Variants in NWD2 observed in about 807,000 individuals in gnomAD.
The protein encoded by NWD2 is NACHT and WD repeat domain-containing protein 2.
NWD2 carries 37 observed loss-of-function variants against 132.7 expected under a neutral mutation model. That is an observed-to-expected ratio of 0.28 (90% confidence interval 0.21 to 0.37). The LOEUF is 0.37. NWD2 is among the 10% of genes least tolerant of loss of function. The probability of loss-of-function intolerance (pLI) is 1.00; values close to 1 mark genes in which losing one functional copy is unlikely to be tolerated. For missense variants in NWD2, 1,592 were observed against 2,122.4 expected (o/e 0.75, Z 4.91); for synonymous variants, 705 against 803.0 (o/e 0.88, Z 2.06).
intron 1 of NWD2, among the ~76,000 whole-genome samples, chr4:37,315,196 C>T (rs1718933534): frequency 6.6e-6 from 1 of 152,026 alleles, no homozygotes; most frequent in Admixed American, 6.5e-5. Context: ...TCTAGTCTAG[C>T]ATATGACCTA....
chr4:37,279,757 G>A (rs1718091640), intron 1 of NWD2, among the ~76,000 whole-genome samples: 1 of 152,056 alleles, frequency 6.6e-6, no homozygotes, highest in Non-Finnish European at 1.5e-5. Flanking sequence ...CAAATGAAAT[G>A]CCTCTAAAAA....
intron 1 of NWD2, among the ~76,000 whole-genome samples, chr4:37,317,688 T>A (rs1313888700): frequency 6.6e-6 from 1 of 152,220 alleles, no homozygotes; most frequent in Non-Finnish European, 1.5e-5. Flanking sequence ...GTTTGACAGA[T>A]CTTTAAAATG....
intron 1 of NWD2, among the ~76,000 whole-genome samples, chr4:37,316,795 T>C (rs1227809057): frequency 6.6e-6 from 1 of 152,110 alleles, no homozygotes; most frequent in Non-Finnish European, 1.5e-5. Context: ...CATTTTTCTG[T>C]TTATTTATCC....
chr4:37,344,837 A>C (rs1186021511), intron 2 of NWD2, among the ~76,000 whole-genome samples: 4 of 152,092 alleles, frequency 2.6e-5, no homozygotes, highest in Admixed American at 2.0e-4. Context: ...TCCAAGAAGA[A>C]ACCCTGTGCC....
At chr4:37,292,017 G>A (rs955146588) in intron 1 of NWD2, among the ~76,000 whole-genome samples, 6 of 152,024 alleles carry the variant, frequency 3.9e-5, no homozygotes, top group African/African-American at 1.5e-4. Flanking sequence ...TTAATTATCT[G>A]AACAGGGCCA....
At chr4:37,373,035 A>G (rs1720263098) in intron 3 of NWD2, among the ~76,000 whole-genome samples, 1 of 152,254 alleles carries the variant, frequency 6.6e-6, no homozygotes. Flanking sequence ...TTTTTAAGAT[A>G]TATGGAGTTA....
At chr4:37,310,519 C>G (rs1483382279) in intron 1 of NWD2, among the ~76,000 whole-genome samples, 1 of 152,078 alleles carries the variant, frequency 6.6e-6, no homozygotes, top group Non-Finnish European at 1.5e-5. Flanking sequence ...CTTTATTGCA[C>G]TGACCAGAAC....
chr4:37,329,927 A>G lies in NWD2; in HGVS notation c.240+3903A>G, dbSNP rs549050964. 3.3e-5 allele frequency among the ~76,000 whole-genome samples: 5 copies of G among 152,344 alleles called. No individual in the cohort carries two copies. The East Asian group carries it at 5.8e-4, about 18-fold the overall frequency. ...TTTTCATCACCTGCCTATAAGTGCC[A>G]AATGTTCTCAGGCCTGGAATTGCCT... On this transcript the variant is annotated intron_variant, in intron 2 of 6. Transcript: ENST00000309447.
chr4:37,301,317 T>C (rs1340586912), intron 1 of NWD2, among the ~76,000 whole-genome samples: 1 of 152,112 alleles, frequency 6.6e-6, no homozygotes, highest in Non-Finnish European at 1.5e-5. Context: ...TTTATATTCA[T>C]TGTGCCTGGA....
At position 37,445,691 on chromosome 4, in the gene NWD2, A is replaced by C. The variant is rs1390566488; in HGVS notation, c.3703A>C (p.Ile1235Leu). ...CAGAGCCAAGCACAACGAACGCTTT[A>C]TATCTGCCGTGCTGTCTAAAAATGG... The part of the protein sequence containing the change: ...KFRAKHNERF[I>L]SAVLSKNGDC... Residue 1235 changes from isoleucine (I) to leucine (L), a missense_variant, in exon 7 of 7, where the codon ATA becomes CTA. Physicochemically the swap from Ile to Leu is conservative, Grantham distance 5 (BLOSUM62 2). Around this residue, in one of 7 missense-constraint regions of NWD2, gnomAD observed 1,071 missense variants for 1,398.0 expected, o/e 0.77. Coordinates refer to ENST00000309447, the MANE Select transcript of NWD2 (RefSeq NM_001144990.2). The surrounding 1 kb of genome is among the most constrained non-coding windows in gnomAD (Gnocchi z 4.7). 1 of 1,552,010 alleles carries C rather than the reference A, an allele frequency of 6.4e-7. No individual in the cohort carries two copies. Among genetic ancestry groups the C allele is most frequent in the Non-Finnish European group, 8.7e-7 (1 of 1,147,076 alleles).
intron 1 of NWD2, among the ~76,000 whole-genome samples, chr4:37,289,288 C>G (rs1718310154): frequency 6.6e-6 from 1 of 152,164 alleles, no homozygotes; most frequent in Non-Finnish European, 1.5e-5. Context: ...TAATTTCTGA[C>G]TTTTCATAGC....
At chr4:37,268,984 A>G (rs1717816130) in intron 1 of NWD2, among the ~76,000 whole-genome samples, 1 of 151,938 alleles carries the variant, frequency 6.6e-6, no homozygotes, top group South Asian at 2.1e-4. Context: ...ATCAAAGTCC[A>G]TCTTTAGCCA....
chr4:37,371,454 G>A (rs968946814), intron 3 of NWD2, among the ~76,000 whole-genome samples: 1 of 152,080 alleles, frequency 6.6e-6, no homozygotes, highest in South Asian at 2.1e-4. Context: ...TTACTAGATG[G>A]CTAAATCTAT....
intron 3 of NWD2, among the ~76,000 whole-genome samples, chr4:37,416,749 T>A (rs1016254860): frequency 6.6e-6 from 1 of 152,172 alleles, no homozygotes; most frequent in African/African-American, 2.4e-5. Context: ...GATGTACATA[T>A]AATAGAATAC....
At chr4:37,355,533 G>A (rs75342185) in intron 2 of NWD2, among the ~76,000 whole-genome samples, 1,931 of 152,196 alleles carry the variant, frequency 0.013, 31 homozygotes, top group African/African-American at 0.044. Context: ...AGAGTAGGGA[G>A]GGTCTTGTTT....
chr4:37,350,760 C>T (rs1444171423), intron 2 of NWD2, among the ~76,000 whole-genome samples: 13 of 152,214 alleles, frequency 8.5e-5, no homozygotes, highest in Admixed American at 2.6e-4. Context: ...TCGTCTTGTG[C>T]CAGTTTTCAA....
intron 3 of NWD2, among the ~76,000 whole-genome samples, chr4:37,407,766 C>T (rs570565898): frequency 1.3e-4 from 20 of 152,298 alleles, no homozygotes; most frequent in African/African-American, 3.8e-4. Flanking sequence ...GGATCAGCTC[C>T]GGTCTGCAGC....
intron 2 of NWD2, among the ~76,000 whole-genome samples, chr4:37,326,928 C>G (rs574542143): frequency 1.6e-4 from 24 of 152,254 alleles, no homozygotes; most frequent in African/African-American, 5.8e-4. Flanking sequence ...TATAAAGTAA[C>G]AGTCTCGAAA....
chr4:37,427,145 A>G (rs568094042), intron 3 of NWD2, among the ~76,000 whole-genome samples: 2 of 151,962 alleles, frequency 1.3e-5, no homozygotes, highest in East Asian at 3.9e-4. Flanking sequence ...GTCCTCCACC[A>G]ATGACCAAAC....
Sources: gnomAD v4.1 joint callset for allele counts (sites outside exome capture counted in the v4.1 genomes callset) on GRCh38, gnomAD v4.1.1 for gene constraint, gnomAD v4.1.1 regional missense constraint, Gnocchi (gnomAD v3.1) non-coding constraint, MANE v1.5 for transcripts, NCBI Gene and HGNC (gene_info 2026-07-23, HGNC 2026-07-21) for gene names.